Variants in INVS observed in about 807,000 individuals in gnomAD.
INVS encodes inversin.
Under a neutral mutation model 108.8 loss-of-function variants are expected in INVS, and 86 were observed. The ratio of observed to expected loss-of-function variants is 0.79; its 90% CI spans 0.66 to 0.95. The LOEUF is 0.95. Ranked by LOEUF, INVS falls within the 40% of genes least tolerant of loss-of-function variation. The pLI is 0.00. For missense variants in INVS, 1,169 were observed against 1,297.4 expected (o/e 0.90, Z 1.52); for synonymous variants, 455 against 473.5 (o/e 0.96, Z 0.51).
chr9:100,241,447 C>T (rs1358141848), intron 6 of INVS, among the ~76,000 whole-genome samples: 2 of 151,830 alleles, frequency 1.3e-5, no homozygotes, highest in Admixed American at 1.3e-4. Flanking sequence ...CTGTTTTCTT[C>T]TTAGAATACC....
At chr9:100,238,216 GA>G (rs1005471003) in intron 5 of INVS, among the ~76,000 whole-genome samples, 47 of 149,354 alleles carry the variant, frequency 3.1e-4, no homozygotes, top group African/African-American at 1.0e-3. Flanking sequence ...TATGCCTCTT[GA>G]AAAAAAAATG....
At chr9:100,189,106 C>CTTTTTTTTTTTTTTTTTTTT (rs60762136) in intron 3 of INVS, among the ~76,000 whole-genome samples, 4 of 69,562 alleles carry the variant, frequency 5.8e-5, no homozygotes, top group African/African-American at 2.7e-4. Context: ...TTTGCATCTT[C>CTTTTTTTTTTTTTTTTTTTT]TTTTTTTTTT....
chr9:100,263,797 A>G (rs1832701687), intron 10 of INVS, among the ~76,000 whole-genome samples: 2 of 152,190 alleles, frequency 1.3e-5, no homozygotes, highest in African/African-American at 4.8e-5. Flanking sequence ...TTCTATGTAC[A>G]TGTGAAAAGA....
intron 13 of INVS, among the ~76,000 whole-genome samples, chr9:100,288,764 G>A (rs1343443758): frequency 6.6e-6 from 1 of 151,980 alleles, no homozygotes; most frequent in Non-Finnish European, 1.5e-5. Flanking sequence ...AGGACCATAG[G>A]TGTGCGCTAC....
intron 3 of INVS, among the ~76,000 whole-genome samples, chr9:100,206,343 T>C (rs1217869203): frequency 6.6e-6 from 1 of 152,170 alleles, no homozygotes; most frequent in Non-Finnish European, 1.5e-5. Flanking sequence ...ATTACTTTTA[T>C]AACAAAAATT....
intron 12 of INVS, among the ~76,000 whole-genome samples, chr9:100,275,987 C>T (rs1338553799): frequency 6.6e-6 from 1 of 152,126 alleles, no homozygotes; most frequent in Non-Finnish European, 1.5e-5. Flanking sequence ...CTGAAGCTCC[C>T]TTTTTGCCAG....
chr9:100,203,703 A>G (rs1050281485), intron 3 of INVS, among the ~76,000 whole-genome samples: 8 of 151,962 alleles, frequency 5.3e-5, no homozygotes, highest in Admixed American at 4.6e-4. Context: ...GGTTTTTACC[A>G]TGTTGGCCAG....
At chr9:100,124,588 A>G (rs933720410) in intron 2 of INVS, among the ~76,000 whole-genome samples, 7 of 149,704 alleles carry the variant, frequency 4.7e-5, no homozygotes, top group African/African-American at 1.7e-4. Flanking sequence ...ACAGTCTATT[A>G]TGTTTCTCAC....
intron 3 of INVS, among the ~76,000 whole-genome samples, chr9:100,220,536 TTACC>T (rs1831114255): frequency 6.6e-6 from 1 of 152,210 alleles, no homozygotes; most frequent in South Asian, 2.1e-4. Context: ...TTACTTCTGC[TTACC>T]TACCATCAGA....
chr9:100,241,588 T>G (rs1831874907), intron 6 of INVS, among the ~76,000 whole-genome samples: 1 of 152,202 alleles, frequency 6.6e-6, no homozygotes, highest in African/African-American at 2.4e-5. Context: ...CAGTGTTTCT[T>G]TTTCACTTTC....
chr9:100,226,126 AAG>A lies in INVS; in HGVS notation c.342_343del (p.Glu114AspfsTer14), dbSNP rs778745264. 2 of 1,613,872 alleles carry A rather than the reference AAG, an allele frequency of 1.2e-6. No individual in the cohort carries two copies. On this transcript the variant is annotated frameshift_variant, in exon 4 of 17. Transcript: ENST00000262457. LOFTEE classifies it high-confidence loss of function. ...GCAAACTGGATGCAAAAGGATCTGG[AAG>A]AGATGACTCCTTTGCACTTGACCAC...
intron 3 of INVS, among the ~76,000 whole-genome samples, chr9:100,195,924 T>G (rs914104483): frequency 1.3e-5 from 2 of 152,222 alleles, no homozygotes; most frequent in Non-Finnish European, 2.9e-5. Context: ...TGGTCTATAG[T>G]TTAGTTGTTT....
At chr9:100,131,203 C>T (rs1828045283) in intron 3 of INVS, among the ~76,000 whole-genome samples, 1 of 152,078 alleles carries the variant, frequency 6.6e-6, no homozygotes, top group Non-Finnish European at 1.5e-5. Flanking sequence ...GTTTTTGAAT[C>T]TCTCTGAATC....
intron 3 of INVS, among the ~76,000 whole-genome samples, chr9:100,165,753 A>G (rs1000800868): frequency 6.6e-6 from 1 of 152,216 alleles, no homozygotes; most frequent in African/African-American, 2.4e-5. Context: ...CCTGTCAAGT[A>G]GACTTCTTGA....
chr9:100,107,056 C>G (rs918663200), intron 2 of INVS, among the ~76,000 whole-genome samples: 3 of 152,180 alleles, frequency 2.0e-5, no homozygotes, highest in Admixed American at 1.3e-4. Context: ...CCTTAATTCA[C>G]TCTTTTATTA....
Position 100,137,885 on chromosome 9 carries a change from T to C in INVS, c.273+11336T>C, listed in dbSNP as rs1486084890. On this transcript the variant is annotated intron_variant, in intron 3 of 16. Transcript: ENST00000262457. The stretch of plus-strand genomic sequence containing the variant: ...TTGTAGCTGAATTCAATTCTCATAT[T>C]TTTTCAATGAACCAACAAATACTAA... 3.9e-5 allele frequency among the ~76,000 whole-genome samples: 6 copies of C among 152,216 alleles called. No individual in the cohort carries two copies. The East Asian group carries it at 1.2e-3, about 29-fold the overall frequency.
At chr9:100,206,507 G>T (rs1830680539) in intron 3 of INVS, among the ~76,000 whole-genome samples, 1 of 151,594 alleles carries the variant, frequency 6.6e-6, no homozygotes, top group South Asian at 2.1e-4. Context: ...TCTCTACTTT[G>T]CCTTGATATA....
At chr9:100,232,955 A>G (rs760568929) in intron 5 of INVS, among the ~76,000 whole-genome samples, 3 of 152,092 alleles carry the variant, frequency 2.0e-5, no homozygotes, top group Non-Finnish European at 4.4e-5. Context: ...CAGTATGGCC[A>G]TTTTCATGAT....
At chr9:100,114,314 C>G (rs1827438536) in intron 2 of INVS, among the ~76,000 whole-genome samples, 1 of 150,432 alleles carries the variant, frequency 6.6e-6, no homozygotes, top group Non-Finnish European at 1.5e-5. Flanking sequence ...TGTTTTCTGT[C>G]TCTATAGTTT....
Sources: gnomAD v4.1 joint callset for allele counts (sites outside exome capture counted in the v4.1 genomes callset) on GRCh38, gnomAD v4.1.1 for gene constraint, MANE v1.5 for transcripts, NCBI Gene and HGNC (gene_info 2026-07-23, HGNC 2026-07-21) for gene names.